Variants in GRK3 observed in about 807,000 individuals in gnomAD.
GRK3 encodes the protein G protein-coupled receptor kinase 3.
In GRK3, 54 loss-of-function variants were observed where a neutral mutation model predicts 95.7. That is an observed-to-expected ratio of 0.56 (90% CI 0.45 to 0.71). The LOEUF (loss-of-function observed/expected upper bound fraction) is 0.71, where lower values mean the gene tolerates loss of function less well. Ranked by LOEUF, GRK3 falls within the 30% of genes least tolerant of loss-of-function variation. GRK3 has a pLI of 0.00. For synonymous variants in GRK3, 281 were observed against 290.8 expected (o/e 0.97, Z 0.34); for missense variants, 649 against 851.2 (o/e 0.76, Z 2.96).
rs1054059526 is a variant in GRK3, at chr22:25,728,996, G to C, written c.*6546G>C. ...TGCATTGCTATACGAAGTGAAGCCA[G>C]TAAACTAGATACTGTAAATCTAGAT... On this transcript the variant is annotated 3_prime_UTR_variant, in exon 21 of 21. Transcript: ENST00000324198. The C allele has an allele frequency of 3.9e-5, 6 of 152,206 alleles. No individual in the cohort carries two copies. Among genetic ancestry groups the C allele is most frequent in the Non-Finnish European group, 7.3e-5 (5 of 68,034 alleles). 9.4% of individuals were successfully genotyped at this position (152,206 alleles called of 1,614,324 possible).
intron 5 of GRK3, among the ~76,000 whole-genome samples, chr22:25,664,516 A>AT (rs1196086432): frequency 0.022 from 2,681 of 121,476 alleles, 75 homozygotes; most frequent in Non-Finnish European, 0.03. Context: ...TGACTTTGGC[A>AT]TTTTTTTTTT....
At position 25,714,506 on chromosome 22, in the gene GRK3, T is replaced by C; in HGVS notation, c.1590T>C (p.Asn530=). ...CGGAAACAGTTTATGAAGCAGTAAATGCAGACACAGATAAAATCGAGGCCA... is the reference window on the plus strand; with the variant it reads ...CGGAAACAGTTTATGAAGCAGTAAACGCAGACACAGATAAAATCGAGGCCA... ...EVTETVYEAV[N]ADTDKIEARK... is the part of the protein sequence containing the mutation. Residue 530 remains asparagine (N), a synonymous_variant, in exon 18 of 21, where the codon AAT becomes AAC. Transcript: ENST00000324198. 1 of 1,613,636 alleles carries C rather than the reference T, an allele frequency of 6.2e-7. No individual in the cohort carries two copies. The highest frequency in any genetic ancestry group is 8.5e-7 in the Non-Finnish European group (1 of 1,179,830).
chr22:25,706,245 A>C (rs996975251), intron 15 of GRK3, among the ~76,000 whole-genome samples: 3 of 152,190 alleles, frequency 2.0e-5, no homozygotes, highest in East Asian at 3.9e-4. Context: ...CCCATGTTAA[A>C]CACCTTGCTG....
chr22:25,623,315 C>T (rs1257293148), intron 2 of GRK3, among the ~76,000 whole-genome samples: 2 of 152,204 alleles, frequency 1.3e-5, no homozygotes, highest in Non-Finnish European at 2.9e-5. Context: ...AATGACGAGA[C>T]AGAGTGATGC....
chr22:25,584,749 T>C (rs1932234931), intron 1 of GRK3, among the ~76,000 whole-genome samples: 1 of 151,252 alleles, frequency 6.6e-6, no homozygotes. Flanking sequence ...TCTTATACTA[T>C]CTGCAGGTTC....
intron 1 of GRK3, among the ~76,000 whole-genome samples, chr22:25,593,392 G>A (rs924037303): frequency 6.6e-6 from 1 of 151,398 alleles, no homozygotes; most frequent in African/African-American, 2.4e-5. Context: ...TTAAATAATA[G>A]CCATTTGCCT....
chr22:25,681,184 G>A (rs777877032), intron 9 of GRK3, among the ~76,000 whole-genome samples: 22 of 152,272 alleles, frequency 1.4e-4, no homozygotes, highest in Non-Finnish European at 2.6e-4. Flanking sequence ...CCACAGTTGA[G>A]GATTTAGGTT....
At chr22:25,714,873 G>A (rs2085371467) in intron 18 of GRK3, among the ~76,000 whole-genome samples, 1 of 152,084 alleles carries the variant, frequency 6.6e-6, no homozygotes. Flanking sequence ...ACAGTGTCTG[G>A]AGTGGGGTTG....
chr22:25,727,267 T>C lies in GRK3; in HGVS notation c.*4817T>C, dbSNP rs1193764775. 1 of 152,096 alleles carries C rather than the reference T, an allele frequency of 6.6e-6. No individual in the cohort carries two copies. Among genetic ancestry groups the C allele is most frequent in the Non-Finnish European group, 1.5e-5 (1 of 68,044 alleles). The allele number at this position is 152,096 out of a possible 1,614,324, so 9.4% of individuals were successfully genotyped here. On this transcript the variant is annotated 3_prime_UTR_variant, in exon 21 of 21. Coordinates refer to ENST00000324198, the MANE Select transcript of GRK3 (RefSeq NM_005160.4). ...GAGAGACTTGAATTACTTAAATTCA[T>C]GTTAATATGATTTTTTTTTAATCCA...
At chr22:25,568,319 T>A (rs570647764) in intron 1 of GRK3, among the ~76,000 whole-genome samples, 263 of 152,226 alleles carry the variant, frequency 1.7e-3, no homozygotes, top group Non-Finnish European at 3.0e-3. Context: ...TCTTTTTTTT[T>A]TAAAAAAAAC....
At chr22:25,566,445 TTG>T in intron 1 of GRK3, among the ~76,000 whole-genome samples, 1 of 152,354 alleles carries the variant, frequency 6.6e-6, no homozygotes, top group South Asian at 2.1e-4. Flanking sequence ...TTGTTATTTG[TTG>T]TGAAAAGCTA....
In GRK3 at chr22:25,705,609, ATC is replaced by A. The variant is rs797010654; in HGVS notation, c.1328+1417_1328+1418del. On this transcript the variant is annotated intron_variant, in intron 15 of 20. Transcript: ENST00000324198. ...GTCATATATATACATATATAGTATG[ATC>A]TCTCTCTCTCTCTCTCAAAAAAGAA... Among the ~76,000 whole-genome samples the A allele has an allele frequency of 8.6e-5, 13 of 150,522 alleles. No individual in the cohort carries two copies. The South Asian group carries it at 2.3e-3, about 27-fold the overall frequency.
chr22:25,671,759 A>G (rs2084984568), intron 6 of GRK3, among the ~76,000 whole-genome samples: 1 of 152,238 alleles, frequency 6.6e-6, no homozygotes, highest in Non-Finnish European at 1.5e-5. Context: ...ATTTGTAAAC[A>G]TTAATTTTTT....
intron 17 of GRK3, among the ~76,000 whole-genome samples, chr22:25,711,382 TA>T (rs2085342736): frequency 6.6e-6 from 1 of 152,194 alleles, no homozygotes; most frequent in Non-Finnish European, 1.5e-5. Flanking sequence ...AACTACATGG[TA>T]AAATATTATT....
intron 18 of GRK3, among the ~76,000 whole-genome samples, chr22:25,715,554 A>G (rs940233201): frequency 6.6e-6 from 1 of 152,226 alleles, no homozygotes; most frequent in Non-Finnish European, 1.5e-5. Flanking sequence ...AAATAATTCA[A>G]TGCCCTACTA....
At chr22:25,683,853 G>A (rs1391491187) in intron 9 of GRK3, among the ~76,000 whole-genome samples, 1 of 152,080 alleles carries the variant, frequency 6.6e-6, no homozygotes, top group Non-Finnish European at 1.5e-5. Flanking sequence ...ATCCTCTGAT[G>A]AATAGAAGTT....
chr22:25,680,919 C>A (rs1270477567), intron 9 of GRK3, among the ~76,000 whole-genome samples: 7 of 151,332 alleles, frequency 4.6e-5, no homozygotes, highest in African/African-American at 1.7e-4. Context: ...GAAATGCATT[C>A]ACTCACCACA....
At chr22:25,629,575 A>G (rs1221765021) in intron 2 of GRK3, among the ~76,000 whole-genome samples, 3 of 152,176 alleles carry the variant, frequency 2.0e-5, no homozygotes, top group African/African-American at 7.2e-5. Context: ...TATGCAAGGG[A>G]CTGTAAGTCG....
At chr22:25,631,087 G>A (rs531814121) in intron 2 of GRK3, among the ~76,000 whole-genome samples, 1 of 152,326 alleles carries the variant, frequency 6.6e-6, no homozygotes, top group African/African-American at 2.4e-5. Context: ...AAGAAAAAAA[G>A]CAGAGAATTG....
Sources: gnomAD v4.1 joint callset for allele counts (sites outside exome capture counted in the v4.1 genomes callset) on GRCh38, gnomAD v4.1.1 for gene constraint, MANE v1.5 for transcripts, NCBI Gene and HGNC (gene_info 2026-07-23, HGNC 2026-07-21) for gene names.